Variants in DST observed in about 807,000 individuals in gnomAD.
DST encodes dystonin.
In DST, 253 loss-of-function variants were observed where a neutral mutation model predicts 875.2. That is an observed-to-expected ratio of 0.29 (90% CI 0.26 to 0.32). DST has a LOEUF of 0.32. DST is among the 10% of genes least tolerant of loss of function. The pLI, the probability that DST is intolerant of heterozygous loss-of-function variation, is 1.00. For synonymous variants in DST, 3,124 were observed against 3,197.1 expected, an observed-to-expected ratio of 0.98 and a Z score of 0.77; for missense variants, 8,287 against 9,111.6, an observed-to-expected ratio of 0.91 and a Z score of 3.68.
At chr6:56,917,074 A>G (rs979634071) in intron 2 of DST, among the ~76,000 whole-genome samples, 3 of 151,546 alleles carry the variant, frequency 2.0e-5, no homozygotes, top group African/African-American at 7.3e-5. Context: ...CAGAAACAGC[A>G]ATAGCCCACT....
intron 4 of DST, among the ~76,000 whole-genome samples, chr6:56,790,381 T>C (rs2099717485): frequency 6.6e-6 from 1 of 152,230 alleles, no homozygotes; most frequent in African/African-American, 2.4e-5. Context: ...ACCTTAAGTC[T>C]GTCATATTTG....
chr6:56,639,604 G>C lies in DST; in HGVS notation c.2705C>G (p.Ser902Cys), dbSNP rs138553142. 2,798 of 1,613,526 alleles carry C rather than the reference G, an allele frequency of 1.7e-3. 6 individuals carry two copies. The highest frequency in any genetic ancestry group is 2.3e-3 in the Non-Finnish European group (2,670 of 1,179,788). The part of the protein sequence containing the change: ...ESQYAKLLNT[S>C]RNQERHLDTL... ...ATCAAGGTGCCGTTCTTGATTCCTG[G>C]ATGTATTCTTTAGTAAGGAAAATCA... The change falls in exon 21 of 104, where the codon TCC (serine) becomes TGC (cysteine). Residue 902 changes from serine (S) to cysteine (C), a missense_variant. By Grantham distance (112) the Ser-to-Cys change is moderately radical. This residue lies in a region of DST where 1,160 missense variants were observed against 1,424.3 expected (regional missense o/e 0.81). Transcript: ENST00000680361.
At chr6:56,568,189 G>C (rs2097714863) in intron 55 of DST, among the ~76,000 whole-genome samples, 1 of 152,094 alleles carries the variant, frequency 6.6e-6, no homozygotes, top group Non-Finnish European at 1.5e-5. Context: ...ATTTGAATAT[G>C]ATCTGTTCCC....
intron 49 of DST, among the ~76,000 whole-genome samples, chr6:56,585,958 G>C (rs560372333): frequency 6.7e-6 from 1 of 148,834 alleles, no homozygotes; most frequent in African/African-American, 2.4e-5. Flanking sequence ...TGGTCTGAGA[G>C]ACAGTTTGTT....
chr6:56,890,195 G>A (rs1252565125), intron 3 of DST, among the ~76,000 whole-genome samples: 1 of 152,134 alleles, frequency 6.6e-6, no homozygotes, highest in Non-Finnish European at 1.5e-5. Flanking sequence ...TTCCTCCCTG[G>A]AAAGTGAGCA....
chr6:56,947,025 G>T (rs1819879714), intron 2 of DST, among the ~76,000 whole-genome samples: 1 of 152,146 alleles, frequency 6.6e-6, no homozygotes, highest in Non-Finnish European at 1.5e-5. Flanking sequence ...GGTGTCTGCA[G>T]TCAGAATATA....
At chr6:56,594,845 T>C (rs191461914) in intron 47 of DST, among the ~76,000 whole-genome samples, 9 of 151,960 alleles carry the variant, frequency 5.9e-5, no homozygotes, top group African/African-American at 1.9e-4. Flanking sequence ...AAGGAGTACA[T>C]GAGATCACAT....
chr6:56,660,112 A>T (rs1437108625), intron 10 of DST, among the ~76,000 whole-genome samples: 1 of 152,222 alleles, frequency 6.6e-6, no homozygotes, highest in Non-Finnish European at 1.5e-5. Context: ...GGTTAATCAT[A>T]CAGATAGAAA....
intron 5 of DST, among the ~76,000 whole-genome samples, chr6:56,705,911 G>A (rs1182255155): frequency 6.6e-6 from 1 of 152,158 alleles, no homozygotes; most frequent in East Asian, 1.9e-4. Context: ...AGGAATATCA[G>A]TTGAATCTCT....
intron 3 of DST, among the ~76,000 whole-genome samples, chr6:56,855,673 C>A (rs1767523561): frequency 6.6e-6 from 1 of 152,204 alleles, no homozygotes; most frequent in Non-Finnish European, 1.5e-5. Flanking sequence ...TTTATTCATG[C>A]ATTCCTTTTC....
rs191721649 is a variant in DST at position 56,588,795 on chromosome 6, T to C, written c.12903+3387A>G. The stretch of plus-strand genomic sequence containing the variant: ...GACATACAGGCAGTCTGTGCATATG[T>C]CAAAAGGCCCACCAAACCACGACCA... On this transcript the variant is annotated intron_variant, in intron 49 of 103. Transcript: ENST00000680361. Among the ~76,000 whole-genome samples, 13 of 152,254 alleles carry C rather than the reference T, an allele frequency of 8.5e-5. No individual in the cohort carries two copies. In the East Asian group the frequency reaches 2.5e-3, roughly 29 times the overall value.
chr6:56,630,471 C>T (rs2098768969), intron 30 of DST, 88 bp from the exon 31 acceptor site: 4 of 1,145,560 alleles, frequency 3.5e-6, no homozygotes, highest in South Asian at 2.6e-5. Flanking sequence ...TGACACATGA[C>T]ATAACATGTT....
At chr6:56,568,711 G>C in intron 54 of DST, 116 bp from the exon 55 acceptor site, 1 of 936,362 alleles carries the variant, frequency 1.1e-6, no homozygotes, top group Non-Finnish European at 1.5e-6. Context: ...TGATTTGTGA[G>C]GGAGTCGATG....
At chr6:56,721,192 G>A (rs80318707) in intron 5 of DST, among the ~76,000 whole-genome samples, 51 of 90,454 alleles carry the variant, frequency 5.6e-4, no homozygotes, top group African/African-American at 3.3e-3. Flanking sequence ...GCGGGGGTGC[G>A]CCCCCCACCT....
At chr6:56,860,199 G>C (rs913250423) in intron 3 of DST, among the ~76,000 whole-genome samples, 2 of 152,236 alleles carry the variant, frequency 1.3e-5, no homozygotes, top group South Asian at 2.1e-4. Flanking sequence ...TATGATACCT[G>C]GCCCCTGGTG....
chr6:56,851,925 A>G, intron 3 of DST: 1 of 1,534,736 alleles, frequency 6.5e-7, no homozygotes. Context: ...ATGAAGCCAG[A>G]ATCAACAGCC....
chr6:56,582,248 A>C (rs1203082307), intron 49 of DST, among the ~76,000 whole-genome samples: 1 of 152,224 alleles, frequency 6.6e-6, no homozygotes, highest in Admixed American at 6.5e-5. Flanking sequence ...ATTGAAATGC[A>C]ATCCTCAATG....
At chr6:56,514,164 T>C (rs981953443) in intron 72 of DST, among the ~76,000 whole-genome samples, 7 of 152,242 alleles carry the variant, frequency 4.6e-5, no homozygotes, top group Non-Finnish European at 1.0e-4. Flanking sequence ...AGCCTTTCCA[T>C]ACTATTTGAT....
chr6:56,741,966 A>T (rs534148580), intron 4 of DST, among the ~76,000 whole-genome samples: 1 of 152,334 alleles, frequency 6.6e-6, no homozygotes, highest in South Asian at 2.1e-4. Flanking sequence ...AAATAAATGC[A>T]AAAAGAGTAC....
Sources: allele counts gnomAD v4.1 joint callset (sites outside exome capture counted in the v4.1 genomes callset), GRCh38; gene constraint gnomAD v4.1.1; regional missense constraint gnomAD v4.1.1; transcripts MANE v1.5; gene names NCBI Gene and HGNC (gene_info 2026-07-23, HGNC 2026-07-21).